The following DENND5B variants were observed in gnomAD, a reference collection of about 807,000 sequenced individuals.
The protein encoded by DENND5B is DENN domain-containing protein 5B.
A neutral mutation model predicts 140.6 loss-of-function variants in DENND5B; 34 were observed. The observed-to-expected ratio is 0.24, with a 90% confidence interval of 0.18 to 0.32. The LOEUF is 0.32. Ranked by LOEUF, DENND5B falls within the 10% of genes least tolerant of loss-of-function variation. DENND5B has a pLI of 1.00. For missense variants in DENND5B, 1,142 were observed against 1,560.2 expected (o/e 0.73, Z 4.52); for synonymous variants, 551 against 562.1 (o/e 0.98, Z 0.28).
chr12:31,413,252 C>T (rs1942557842), intron 13 of DENND5B, among the ~76,000 whole-genome samples, 184 bp downstream of exon 13: 1 of 152,158 alleles, frequency 6.6e-6, no homozygotes, highest in Non-Finnish European at 1.5e-5. Flanking sequence ...TTGGTGTGTC[C>T]CCCCAAAACG....
intron 1 of DENND5B, among the ~76,000 whole-genome samples, chr12:31,574,724 C>T (rs1259390): frequency 0.078 from 11,870 of 152,144 alleles, 1,054 homozygotes; most frequent in African/African-American, 0.22. Flanking sequence ...CCCCATTGGC[C>T]CCATCCACCA....
intron 1 of DENND5B, among the ~76,000 whole-genome samples, chr12:31,578,785 T>C (rs1400730114): frequency 6.6e-6 from 1 of 152,184 alleles, no homozygotes; most frequent in Admixed American, 6.5e-5. Flanking sequence ...CAGCAGGGCG[T>C]AGGAAAAAAG....
intron 4 of DENND5B, among the ~76,000 whole-genome samples, chr12:31,458,540 G>A (rs1944881669): frequency 1.3e-5 from 2 of 152,098 alleles, no homozygotes; most frequent in African/African-American, 4.8e-5. Context: ...ACATGCACAA[G>A]CCCAAAAAGA....
intron 1 of DENND5B, among the ~76,000 whole-genome samples, chr12:31,518,882 C>T (rs1157577441): frequency 6.6e-6 from 1 of 152,176 alleles, no homozygotes; most frequent in Non-Finnish European, 1.5e-5. Context: ...ATTCTTTATC[C>T]TGGCAGGGAG....
intron 1 of DENND5B, among the ~76,000 whole-genome samples, chr12:31,538,925 CA>C (rs1165801669): frequency 7.4e-6 from 1 of 136,034 alleles, no homozygotes; most frequent in South Asian, 2.3e-4. Context: ...GAAACTGAAA[CA>C]AAAAAAATAC....
intron 12 of DENND5B, 57 bp from the exon 13 acceptor site, chr12:31,413,621 A>G: frequency 6.4e-7 from 1 of 1,565,184 alleles, no homozygotes; most frequent in Non-Finnish European, 8.7e-7. Flanking sequence ...CTGACTAGAA[A>G]AGAAGTAAAG....
At chr12:31,437,720 G>A (rs545345790) in intron 7 of DENND5B, among the ~76,000 whole-genome samples, 39 of 152,226 alleles carry the variant, frequency 2.6e-4, no homozygotes, top group Admixed American at 2.1e-3. Context: ...ATGTTCAACA[G>A]TAGAGGGTAG....
chr12:31,474,720 C>A (rs955328669), intron 3 of DENND5B, among the ~76,000 whole-genome samples: 1 of 152,120 alleles, frequency 6.6e-6, no homozygotes, highest in African/African-American at 2.4e-5. Context: ...GTTATTAAAA[C>A]CCCCTTAACA....
At chr12:31,550,300 T>C (rs1456771324) in intron 1 of DENND5B, among the ~76,000 whole-genome samples, 1 of 145,688 alleles carries the variant, frequency 6.9e-6, no homozygotes, top group Non-Finnish European at 1.5e-5. Context: ...CACCTATGAG[T>C]GAGAACATGT....
intron 19 of DENND5B, among the ~76,000 whole-genome samples, chr12:31,391,435 T>C (rs1941138124): frequency 6.6e-6 from 1 of 152,204 alleles, no homozygotes; most frequent in East Asian, 1.9e-4. Flanking sequence ...AGATCAATGG[T>C]CACATTTCTG....
At chr12:31,566,239 G>A (rs56409505) in intron 1 of DENND5B, among the ~76,000 whole-genome samples, 77 of 152,204 alleles carry the variant, frequency 5.1e-4, no homozygotes, top group African/African-American at 1.8e-3. Context: ...AGGATTGCTT[G>A]AGCCCAGGAG....
At chr12:31,479,147 T>C (rs1198477522) in intron 3 of DENND5B, among the ~76,000 whole-genome samples, 1 of 152,056 alleles carries the variant, frequency 6.6e-6, no homozygotes. Flanking sequence ...AGCTGCAGAG[T>C]CAACAATTTC....
chr12:31,557,760 C>T (rs1259404), intron 1 of DENND5B, among the ~76,000 whole-genome samples: 39 of 139,886 alleles, frequency 2.8e-4, no homozygotes, highest in African/African-American at 6.6e-4. Flanking sequence ...AGGGCTGAAA[C>T]GTGGGAACAA....
At chr12:31,437,485 CAT>C (rs1448895356) in intron 7 of DENND5B, among the ~76,000 whole-genome samples, 1 of 152,136 alleles carries the variant, frequency 6.6e-6, no homozygotes, top group Non-Finnish European at 1.5e-5. Flanking sequence ...TGCAGTCTAA[CAT>C]GTAGGTTTAC....
chr12:31,576,956 T>A (rs1370445942), intron 1 of DENND5B, among the ~76,000 whole-genome samples: 1 of 152,086 alleles, frequency 6.6e-6, no homozygotes, highest in African/African-American at 2.4e-5. Context: ...ATACAAGAAC[T>A]TTTTTGTCAA....
intron 3 of DENND5B, among the ~76,000 whole-genome samples, chr12:31,467,606 G>A (rs549841237): frequency 6.6e-6 from 1 of 152,204 alleles, no homozygotes; most frequent in Admixed American, 6.5e-5. Context: ...AGGCAACAGA[G>A]TGAGACCTTA....
At chr12:31,550,592 T>G (rs36181279) in intron 1 of DENND5B, among the ~76,000 whole-genome samples, 22,334 of 151,246 alleles carry the variant, frequency 0.15, 1,799 homozygotes, top group Non-Finnish European at 0.18. Flanking sequence ...TAATGGGATG[T>G]CTGGGTCAAA....
At chr12:31,462,632 T>C (rs377640801) in intron 3 of DENND5B, among the ~76,000 whole-genome samples, 1 of 152,066 alleles carries the variant, frequency 6.6e-6, no homozygotes, top group Non-Finnish European at 1.5e-5. Context: ...ATGTTTTTTT[T>C]CCTCTTAAGT....
chr12:31,447,471 G>A (rs554890213), intron 6 of DENND5B, 67 bp downstream of exon 6: 7 of 1,382,076 alleles, frequency 5.1e-6, no homozygotes, highest in South Asian at 2.7e-5. Flanking sequence ...TGTACGTAAG[G>A]CCAGCAATTT....
Sources: allele counts gnomAD v4.1 joint callset (sites outside exome capture counted in the v4.1 genomes callset), GRCh38; gene constraint gnomAD v4.1.1; transcripts MANE v1.5; gene names NCBI Gene and HGNC (gene_info 2026-07-23, HGNC 2026-07-21).